ANK2: variants seen among roughly 807,000 people sequenced by gnomAD.
ANK2 encodes the protein ankyrin-2.
A neutral mutation model predicts 360.5 loss-of-function variants in ANK2; 83 were observed. The ratio of observed to expected loss-of-function variants is 0.23; its 90% CI spans 0.19 to 0.28. The LOEUF is 0.28. Ranked by LOEUF, ANK2 falls within the 10% of genes least tolerant of loss-of-function variation. The pLI, the probability that ANK2 is intolerant of heterozygous loss-of-function variation, is 1.00. For synonymous variants in ANK2, 1,740 were observed against 1,759.5 expected (o/e 0.99, Z 0.28); for missense variants, 4,201 against 4,795.7 (o/e 0.88, Z 3.66).
At chr4:113,202,997 G>A (rs1475742452) in intron 4 of ANK2, among the ~76,000 whole-genome samples, 2 of 152,160 alleles carry the variant, frequency 1.3e-5, no homozygotes, top group Non-Finnish European at 2.9e-5. Context: ...TCTCTGGCTT[G>A]GTTCTTTGGT....
chr4:112,957,007 GTT>G (rs56066718), intron 2 of ANK2, among the ~76,000 whole-genome samples: 1,504 of 66,470 alleles, frequency 0.023, 32 homozygotes, highest in African/African-American at 0.082. Flanking sequence ...TATTGCTCTT[GTT>G]TTTTTTTTTT....
the ANK2 span, among the ~76,000 whole-genome samples, chr4:112,809,852 C>CA: frequency 6.7e-6 from 1 of 149,158 alleles, no homozygotes; most frequent in Non-Finnish European, 1.5e-5. Flanking sequence ...ACCAAAAACA[C>CA]AAAAATTAGA....
intron 18 of ANK2, 75 bp downstream of exon 18, chr4:113,282,947 G>A (rs1027217636): frequency 2.0e-6 from 3 of 1,495,672 alleles, no homozygotes; most frequent in African/African-American, 2.8e-5. Flanking sequence ...AGACAGTTTG[G>A]AACAAAAAGG....
intron 24 of ANK2, 75 bp from the exon 25 acceptor site, chr4:113,317,632 C>A: frequency 3.5e-6 from 4 of 1,138,706 alleles, no homozygotes; most frequent in South Asian, 1.3e-5. Context: ...CACTCTCCTG[C>A]TCGGCTCATC....
chr4:113,074,160 A>G (rs1002706353), intron 1 of ANK2, among the ~76,000 whole-genome samples: 1 of 152,180 alleles, frequency 6.6e-6, no homozygotes, highest in Non-Finnish European at 1.5e-5. Context: ...ATTTTGATTG[A>G]TGTGCTTTCA....
rs148041837 is a variant in ANK2, at chr4:112,833,111, G to T, written c.-40+14847G>T. Among the ~76,000 whole-genome samples the T allele has an allele frequency of 9.4e-4, 143 of 152,332 alleles. 1 individual carries two copies. Among genetic ancestry groups the T allele is most frequent in the South Asian group, 2.9e-3 (14 of 4,830 alleles). On this transcript the variant is annotated intron_variant, in intron 1 of 30. Coordinates refer to the ANK2 transcript ENST00000503271. ...ACTTTCAGTTTGAACCACAAGAGAA[G>T]CAGAAAGAGGCTTGGTTGTTCTGAT...
intron 1 of ANK2, among the ~76,000 whole-genome samples, chr4:113,157,176 A>T (rs1451422237): frequency 6.6e-6 from 1 of 152,164 alleles, no homozygotes; most frequent in Non-Finnish European, 1.5e-5. Context: ...TTACTGTGAA[A>T]AGATTTAGTG....
intron 1 of ANK2, among the ~76,000 whole-genome samples, chr4:112,871,496 A>T (rs2073028817): frequency 6.6e-6 from 1 of 151,930 alleles, no homozygotes; most frequent in Non-Finnish European, 1.5e-5. Flanking sequence ...CTTAGTTTTT[A>T]TTTTTTAAAG....
chr4:113,046,490 G>C (rs749098065), upstream of ANK2, among the ~76,000 whole-genome samples: 1 of 152,022 alleles, frequency 6.6e-6, no homozygotes, highest in Non-Finnish European at 1.5e-5. Flanking sequence ...TAGAGCCCTC[G>C]TGAATGGGAT....
chr4:112,737,778 T>C, the ANK2 span, among the ~76,000 whole-genome samples: 1 of 152,026 alleles, frequency 6.6e-6, no homozygotes, highest in African/African-American at 2.4e-5. Context: ...GTCGAAGGAG[T>C]TGGACTATGT....
chr4:113,280,090 C>A (rs913997619), intron 17 of ANK2, among the ~76,000 whole-genome samples: 6 of 151,712 alleles, frequency 4.0e-5, no homozygotes, highest in Admixed American at 2.0e-4. Flanking sequence ...TTTTCATTAG[C>A]TTTCCAGGCT....
rs139528815 is a variant in ANK2, at chr4:113,333,220, T to G, written c.3379+12T>G. The G allele has an allele frequency of 1.4e-3, 2,255 of 1,614,092 alleles. 22 individuals carry two copies. In the African/African-American group the frequency reaches 0.026, roughly 19 times the overall value. ...CGGCATGGATGAAGGTACTTTCAGA[T>G]GAAGCGTTTTAAAAGAAATCTAAAC... On this transcript the variant is annotated intron_variant, in intron 29 of 45. Transcript: ENST00000357077.
chr4:113,150,056 C>A (rs1426092936), intron 1 of ANK2, among the ~76,000 whole-genome samples: 3 of 151,818 alleles, frequency 2.0e-5, no homozygotes, highest in Non-Finnish European at 4.4e-5. Flanking sequence ...TTATAGGATG[C>A]CCAAGAAGGA....
chr4:112,960,237 A>G (rs1353934735), intron 2 of ANK2, among the ~76,000 whole-genome samples: 1 of 152,094 alleles, frequency 6.6e-6, no homozygotes, highest in Non-Finnish European at 1.5e-5. Flanking sequence ...ATATATTCAT[A>G]TATTGTCCAC....
At chr4:113,235,462 C>T (rs989491012) in intron 5 of ANK2, among the ~76,000 whole-genome samples, 10 of 152,028 alleles carry the variant, frequency 6.6e-5, no homozygotes, top group South Asian at 6.2e-4. Context: ...AAATTATTTT[C>T]GGAAAAAAAT....
intron 2 of ANK2, among the ~76,000 whole-genome samples, chr4:112,974,710 A>G (rs918366550): frequency 3.3e-5 from 5 of 152,222 alleles, no homozygotes; most frequent in African/African-American, 9.6e-5. Flanking sequence ...TGAAGTTTAG[A>G]AAGATTAACA....
chr4:113,019,605 A>G (rs41487550), intron 2 of ANK2, among the ~76,000 whole-genome samples: 9,164 of 152,242 alleles, frequency 0.06, 882 homozygotes, highest in African/African-American at 0.21. Context: ...ATGAACACAG[A>G]TTAACAATCA....
intron 38 of ANK2, among the ~76,000 whole-genome samples, chr4:113,359,789 C>A (rs1218121526): frequency 6.6e-6 from 1 of 152,102 alleles, no homozygotes; most frequent in Non-Finnish European, 1.5e-5. Context: ...ACATGAAATT[C>A]TAATTGTTGT....
chr4:113,352,322 C>T (rs2095462398), intron 37 of ANK2, among the ~76,000 whole-genome samples: 1 of 152,136 alleles, frequency 6.6e-6, no homozygotes, highest in South Asian at 2.1e-4. Context: ...TTATTTCCCT[C>T]CTTGGTCTGT....
Sources: gnomAD v4.1 joint callset for allele counts (sites outside exome capture counted in the v4.1 genomes callset) on GRCh38, gnomAD v4.1.1 for gene constraint, MANE v1.5 for transcripts, NCBI Gene and HGNC (gene_info 2026-07-23, HGNC 2026-07-21) for gene names.